The following CACNA1E variants were observed in gnomAD, a reference collection of about 807,000 sequenced individuals.
The protein encoded by CACNA1E is voltage-dependent R-type calcium channel subunit alpha-1E.
A neutral mutation model predicts 259.2 loss-of-function variants in CACNA1E; 40 were observed. The ratio of observed to expected loss-of-function variants is 0.15; its 90% CI spans 0.12 to 0.20. The LOEUF (loss-of-function observed/expected upper bound fraction) is 0.20, where lower values mean the gene tolerates loss of function less well. CACNA1E is among the 10% of genes least tolerant of loss of function. CACNA1E has a pLI of 1.00. For missense variants in CACNA1E, 1,874 were observed against 3,040.1 expected, an observed-to-expected ratio of 0.62 and a Z score of 9.02; for synonymous variants, 1,104 against 1,138.5, an observed-to-expected ratio of 0.97 and a Z score of 0.61.
chr1:181,342,108 G>A (rs577815629), intron 1 of CACNA1E, among the ~76,000 whole-genome samples: 1 of 152,106 alleles, frequency 6.6e-6, no homozygotes. Flanking sequence ...GGTAAGAAGG[G>A]GCCAACTATG....
intron 1 of CACNA1E, among the ~76,000 whole-genome samples, chr1:181,503,067 T>A (rs978521020): frequency 6.6e-6 from 1 of 152,176 alleles, no homozygotes; most frequent in African/African-American, 2.4e-5. Context: ...GAAGCAGAGA[T>A]TTCTGTAAGA....
intron 1 of CACNA1E, among the ~76,000 whole-genome samples, chr1:181,401,570 G>A (rs1443030734): frequency 6.6e-6 from 1 of 152,172 alleles, no homozygotes; most frequent in Non-Finnish European, 1.5e-5. Context: ...TTGTTGAGGA[G>A]ATTGGCTAGT....
intron 34 of CACNA1E, among the ~76,000 whole-genome samples, chr1:181,764,707 C>A (rs1658879832): frequency 6.6e-6 from 1 of 152,174 alleles, no homozygotes; most frequent in Non-Finnish European, 1.5e-5. Flanking sequence ...GAGGATAAAT[C>A]TAAAACCTTA....
intron 25 of CACNA1E, among the ~76,000 whole-genome samples, chr1:181,750,010 G>A (rs1314268892): frequency 6.6e-6 from 1 of 152,276 alleles, no homozygotes; most frequent in Non-Finnish European, 1.5e-5. Flanking sequence ...CTGTGCCAGT[G>A]TGTGAGAGAA....
chr1:181,667,791 A>G (rs569195627), intron 7 of CACNA1E, among the ~76,000 whole-genome samples: 4 of 152,242 alleles, frequency 2.6e-5, no homozygotes, highest in South Asian at 4.2e-4. Flanking sequence ...TCCAATACAC[A>G]GTTGACTAAA....
chr1:181,554,218 G>C (rs1648490162), intron 3 of CACNA1E, among the ~76,000 whole-genome samples: 1 of 152,084 alleles, frequency 6.6e-6, no homozygotes, highest in Non-Finnish European at 1.5e-5. Context: ...TTGCCATGTT[G>C]CCCAGGCTGG....
chr1:181,397,488 A>G (rs1395625974), intron 1 of CACNA1E, among the ~76,000 whole-genome samples: 3 of 151,616 alleles, frequency 2.0e-5, no homozygotes, highest in East Asian at 3.9e-4. Flanking sequence ...TTTAGTAGAG[A>G]CGGGGTTTCA....
At chr1:181,426,608 T>TCTCAACCCCTTCCCAA (rs1455290940) in intron 2 of CACNA1E, among the ~76,000 whole-genome samples, 1 of 135,332 alleles carries the variant, frequency 7.4e-6, no homozygotes, top group Non-Finnish European at 1.6e-5. Flanking sequence ...TCCCTTCCCA[T>TCTCAACCCCTTCCCAA]CTCAACCCCT....
At chr1:181,725,561 A>G (rs931906657) in intron 17 of CACNA1E, among the ~76,000 whole-genome samples, 4 of 152,228 alleles carry the variant, frequency 2.6e-5, no homozygotes, top group Admixed American at 6.5e-5. Flanking sequence ...CACTTGCAGG[A>G]ATGCTGCTGA....
At chr1:181,558,910 A>G (rs1367684495) in intron 3 of CACNA1E, among the ~76,000 whole-genome samples, 2 of 152,166 alleles carry the variant, frequency 1.3e-5, no homozygotes, top group African/African-American at 4.8e-5. Flanking sequence ...AGAAAAAGCT[A>G]TGGAGTTCCT....
intron 3 of CACNA1E, among the ~76,000 whole-genome samples, chr1:181,563,125 T>C (rs1309155012): frequency 2.6e-5 from 4 of 152,124 alleles, no homozygotes; most frequent in Non-Finnish European, 4.4e-5. Flanking sequence ...ACAGCTGATA[T>C]TTTATAAAAC....
chr1:181,435,359 T>A (rs1660018490), intron 2 of CACNA1E, among the ~76,000 whole-genome samples: 1 of 152,236 alleles, frequency 6.6e-6, no homozygotes, highest in African/African-American at 2.4e-5. Flanking sequence ...CAGAAAATTA[T>A]CTAATTGCTC....
intron 1 of CACNA1E, among the ~76,000 whole-genome samples, chr1:181,326,515 C>T (rs1337777607): frequency 2.6e-5 from 4 of 152,138 alleles, no homozygotes; most frequent in Non-Finnish European, 5.9e-5. Context: ...TTAGCTCTGG[C>T]TGAGTTCCTC....
rs1435805007 is a variant in CACNA1E, at chr1:181,483,813, G to A, written c.69G>A (p.Arg23=). The A allele has an allele frequency of 1.7e-5, 28 of 1,613,552 alleles. No homozygotes were observed. Among genetic ancestry groups the A allele is most frequent in the Admixed American group, 5.0e-5 (3 of 60,000 alleles). The part of the protein sequence containing the change: ...GSGDGDSDQS[R]NRQGTPVPAS... ...GCGATGGAGACTCGGACCAGAGCAG[G>A]AACCGGCAAGGAACCCCCGTGCCGG... Residue 23 remains arginine, a synonymous_variant, in exon 1 of 48, where the codon AGG becomes AGA. Transcript: ENST00000367573.
At chr1:181,416,770 C>T (rs1458898875) in intron 2 of CACNA1E, among the ~76,000 whole-genome samples, 3 of 152,178 alleles carry the variant, frequency 2.0e-5, no homozygotes, top group Admixed American at 6.5e-5. Context: ...CCAGCTGTGG[C>T]GTGCATGTCA....
rs1295152480 is a variant in CACNA1E at position 181,799,878 on chromosome 1, C to T, written c.*1044C>T. On this transcript the variant is annotated 3_prime_UTR_variant, in exon 48 of 48. Coordinates refer to ENST00000367573, the MANE Select transcript of CACNA1E (RefSeq NM_001205293.3). ...AACAGTGCTACGGCCACACCAGCAC[C>T]TCCTGGCTGAAGGTCAGCCCACACT... 1.3e-5 allele frequency: 2 copies of T among 150,746 alleles called. No individual in the cohort carries two copies. The highest frequency in any genetic ancestry group is 4.8e-5 in the African/African-American group (2 of 41,290). 9.3% of individuals were successfully genotyped at this position (150,746 alleles called of 1,614,324 possible).
rs1007284571 is a variant in CACNA1E at position 181,785,407 on chromosome 1, C to T, written c.5668C>T (p.Leu1890=). Residue 1890 remains leucine, a synonymous_variant, in exon 42 of 48, where the codon CTG becomes TTG. Coordinates refer to ENST00000367573, the MANE Select transcript of CACNA1E (RefSeq NM_001205293.3). ...QSKVKKQRQQ[L]EEQKNAPMFQ... is the part of the protein sequence containing the mutation. ...TAAGGTGAAGAAGCAGAGGCAGCAG[C>T]TGGAGGAACAGGTGAAAGTCAATGC... The T allele has an allele frequency of 1.2e-6, 2 of 1,607,998 alleles. No individual in the cohort carries two copies. Among genetic ancestry groups the T allele is most frequent in the Non-Finnish European group, 1.7e-6 (2 of 1,175,010 alleles).
intron 6 of CACNA1E, among the ~76,000 whole-genome samples, chr1:181,621,816 AT>A (rs1181095230): frequency 2.6e-5 from 4 of 152,118 alleles, no homozygotes; most frequent in Admixed American, 6.5e-5. Context: ...TGAGTGACCT[AT>A]TGTGCTACCT....
intron 46 of CACNA1E, among the ~76,000 whole-genome samples, chr1:181,795,767 A>AATATATATATATATATATATAT (rs72040839): frequency 0.011 from 1,208 of 112,984 alleles, 55 homozygotes; most frequent in Non-Finnish European, 0.017. Flanking sequence ...TTTTGCTTTA[A>AATATATATATATATATATATAT]ATATATATAT....
Sources: gnomAD v4.1 joint callset for allele counts (sites outside exome capture counted in the v4.1 genomes callset) on GRCh38, gnomAD v4.1.1 for gene constraint, MANE v1.5 for transcripts, NCBI Gene and HGNC (gene_info 2026-07-23, HGNC 2026-07-21) for gene names.